EWSR1: variants seen among roughly 807,000 people sequenced by gnomAD.
EWSR1 encodes EWS RNA binding protein 1.
Under a neutral mutation model 92.1 loss-of-function variants are expected in EWSR1, and 14 were observed. That is an observed-to-expected ratio of 0.15 (90% CI 0.10 to 0.24). EWSR1 has a LOEUF of 0.24. Among genes scored for constraint, EWSR1 ranks in the 10% least tolerant of loss-of-function variants. The probability of loss-of-function intolerance (pLI) is 1.00; values close to 1 mark genes in which losing one functional copy is unlikely to be tolerated. For synonymous variants in EWSR1, 303 were observed against 292.9 expected, an observed-to-expected ratio of 1.03 and a Z score of -0.35; for missense variants, 637 against 870.9, an observed-to-expected ratio of 0.73 and a Z score of 3.38.
intron 5 of EWSR1, 57 bp downstream of exon 5, chr22:29,278,273 T>A (rs1382485944): frequency 8.6e-6 from 13 of 1,510,982 alleles, no homozygotes; most frequent in Non-Finnish European, 1.1e-5. Flanking sequence ...AGAAAGCAAC[T>A]GTGTACACTT....
chr22:29,298,075 G>GC, intron 13 of EWSR1, 126 bp downstream of exon 13: 3 of 1,087,444 alleles, frequency 2.8e-6, no homozygotes, highest in Non-Finnish European at 3.9e-6. Flanking sequence ...ACTATCGAGA[G>GC]CTAACAATGA....
Position 29,292,571 on chromosome 22 carries a change from C to T in EWSR1, c.1129C>T (p.Leu377=). The T allele has an allele frequency of 6.2e-7, 1 of 1,613,868 alleles. No individual in the cohort carries two copies. The highest frequency in any genetic ancestry group is 1.7e-4 in the Middle Eastern group (1 of 6,060). The change falls in exon 11 of 17, where the codon CTG becomes TTG. Residue 377 remains leucine, a synonymous_variant. Transcript: ENST00000397938. ...AAATGACAGTGTGACTCTAGATGAT[C>T]TGGCAGACTTCTTTAAGCAGTGTGG... ...GLNDSVTLDD[L]ADFFKQCGVV... is the part of the protein sequence containing the mutation.
intron 7 of EWSR1, 95 bp downstream of exon 7, chr22:29,287,229 A>G: frequency 1.6e-6 from 2 of 1,246,360 alleles, no homozygotes; most frequent in Non-Finnish European, 2.3e-6. Context: ...TTCTTTTGAG[A>G]TGGAGTTTCA....
At position 29,282,380 on chromosome 22, in the gene EWSR1, C is replaced by T; in HGVS notation, c.414-10C>T. On this transcript the variant is annotated splice_polypyrimidine_tract_variant and intron_variant, in intron 5 of 16. Transcript: ENST00000397938. ...CACTTTTTAATTTTATTTATTATTT[C>T]TCCTCTTAGACCGCAGGATGGAAAC... The T allele has an allele frequency of 6.5e-7, 1 of 1,547,442 alleles. No individual in the cohort carries two copies. The highest frequency in any genetic ancestry group is 8.7e-7 in the Non-Finnish European group (1 of 1,153,706).
chr22:29,273,143 T>TG (rs1391794748), intron 3 of EWSR1, among the ~76,000 whole-genome samples: 1 of 152,212 alleles, frequency 6.6e-6, no homozygotes, highest in African/African-American at 2.4e-5. Flanking sequence ...TTAAGTATTA[T>TG]GGATGTCTAA....
intron 11 of EWSR1, 88 bp downstream of exon 11, chr22:29,292,694 C>G (rs945499829): frequency 3.8e-6 from 3 of 787,220 alleles, no homozygotes; most frequent in African/African-American, 1.7e-5. Context: ...GAGTTGTTTT[C>G]TAAGGTTGCC....
intron 8 of EWSR1, chr22:29,289,649 A>G (rs2060299513): frequency 8.6e-6 from 2 of 232,626 alleles, no homozygotes; most frequent in East Asian, 1.2e-4. Flanking sequence ...AAAGTTATGC[A>G]GAATGTTAGA....
intron 12 of EWSR1, among the ~76,000 whole-genome samples, chr22:29,297,155 GTTGT>G (rs1645658528): frequency 6.6e-6 from 1 of 152,138 alleles, no homozygotes. Flanking sequence ...TTTTGCTTGT[GTTGT>G]TTTTTTTGAG....
chr22:29,289,205 CCA>C (rs1380984748), intron 8 of EWSR1: 3 of 235,746 alleles, frequency 1.3e-5, no homozygotes, highest in African/African-American at 4.4e-5. Flanking sequence ...CAGCTGTTTT[CCA>C]CAGTGTTTGT....
chr22:29,271,337 T>A (rs189132846), intron 1 of EWSR1, among the ~76,000 whole-genome samples: 35 of 152,370 alleles, frequency 2.3e-4, no homozygotes, highest in Non-Finnish European at 5.9e-5. Context: ...ATTTTCCGTT[T>A]GTTTTTACTA....
intron 3 of EWSR1, among the ~76,000 whole-genome samples, chr22:29,273,313 C>T (rs181421602): frequency 6.6e-6 from 1 of 152,302 alleles, no homozygotes; most frequent in East Asian, 1.9e-4. Context: ...TCATTGCTTT[C>T]TCTGTTCATT....
In EWSR1 at chr22:29,282,133, A is replaced by G. The variant is rs185002134; in HGVS notation, c.414-257A>G. Reference sequence around the variant, plus strand: ...TAGCGTTTACTGTGATGAATGGAGCATATTAATGTCTCTTCTGTGGATATG... The same window carrying G: ...TAGCGTTTACTGTGATGAATGGAGCGTATTAATGTCTCTTCTGTGGATATG... On this transcript the variant is annotated intron_variant, in intron 5 of 16. Coordinates refer to ENST00000397938, the MANE Select transcript of EWSR1 (RefSeq NM_005243.4). Among the ~76,000 whole-genome samples, 790 of 152,326 alleles carry G rather than the reference A, an allele frequency of 5.2e-3. 3 individuals carry two copies. The highest frequency in any genetic ancestry group is 0.018 in the South Asian group (86 of 4,826).
chr22:29,276,326 A>G lies in EWSR1; in HGVS notation c.227-1704A>G, dbSNP rs2059122118. 3 of 229,012 alleles carry G rather than the reference A, an allele frequency of 1.3e-5. No homozygotes were observed. In the Admixed American group the frequency reaches 1.7e-4, roughly 13 times the overall value. The allele number at this position is 229,012 out of a possible 1,614,324, so 14.2% of individuals were successfully genotyped here. A position where few individuals can be genotyped will look rare whatever the true frequency, so the allele number is the denominator to read the frequency against. ...ACAACATGCCAACTCAAAAACTTTT[A>G]TTGCTTGGGGCTTCCTGTTTTCTGG... On this transcript the variant is annotated intron_variant, in intron 4 of 16. Transcript: ENST00000397938.
chr22:29,297,275 C>T (rs529971757), intron 12 of EWSR1, among the ~76,000 whole-genome samples: 195 of 152,282 alleles, frequency 1.3e-3, no homozygotes, highest in African/African-American at 4.2e-3. Context: ...GTCAGCCACT[C>T]GAGTAGCTGC....
Position 29,272,381 on chromosome 22 carries a change from T to A in EWSR1, c.52T>A (p.Tyr18Asn). ...TTATTGCATTTAATTCTTTTGCAGCTACAGTGCTTACACCGCCCAGCCCAC... is the reference window on the plus strand; with the variant it reads ...TTATTGCATTTAATTCTTTTGCAGCAACAGTGCTTACACCGCCCAGCCCAC... ...TYSQAAAQQG[Y>N]SAYTAQPTQG... Residue 18 changes from tyrosine (Y) to asparagine (N), a missense_variant and splice_region_variant, in exon 3 of 17, where the codon TAC (tyrosine) becomes AAC (asparagine). By Grantham distance (143) the Tyr-to-Asn change is moderately radical (BLOSUM62 -2). Coordinates refer to ENST00000397938, the MANE Select transcript of EWSR1 (RefSeq NM_005243.4). 6.2e-7 allele frequency: 1 copy of A among 1,613,644 alleles called. No homozygotes were observed. Among genetic ancestry groups the A allele is most frequent in the Non-Finnish European group, 8.5e-7 (1 of 1,179,986 alleles).
chr22:29,295,171 C>T (rs75756832), intron 11 of EWSR1, among the ~76,000 whole-genome samples: 2,652 of 152,056 alleles, frequency 0.017, 63 homozygotes, highest in African/African-American at 0.06. Flanking sequence ...GTTCAAGCCT[C>T]AAGCCTCTTG....
In EWSR1 at chr22:29,293,136, G is replaced by A. The variant is rs573056775; in HGVS notation, c.1164+530G>A. Reference sequence around the variant, plus strand: ...GATTCTCCCACCACAGCCTCTTGAGGTAGCTGGACTTATAGGCACATGCCA... The same window carrying A: ...GATTCTCCCACCACAGCCTCTTGAGATAGCTGGACTTATAGGCACATGCCA... On this transcript the variant is annotated intron_variant, in intron 11 of 16. Transcript: ENST00000397938. Among the ~76,000 whole-genome samples the A allele has an allele frequency of 2.0e-5, 3 of 152,174 alleles. No individual in the cohort carries two copies. In the South Asian group the frequency reaches 6.2e-4, roughly 32 times the overall value.
Position 29,297,954 on chromosome 22 carries a change from T to G in EWSR1, c.1417+5T>G, listed in dbSNP as rs372684023. 555 of 1,610,004 alleles carry G rather than the reference T, an allele frequency of 3.4e-4. 2 individuals are homozygous for G. The highest frequency in any genetic ancestry group is 5.8e-4 in the Admixed American group (34 of 58,826). ...TGCCACCACCACTCCGTGGAGGTACTTTTTCTGAGCTCCTATGTTGCATTA... is the reference window on the plus strand; with the variant it reads ...TGCCACCACCACTCCGTGGAGGTACGTTTTCTGAGCTCCTATGTTGCATTA... On this transcript the variant is annotated splice_donor_5th_base_variant and intron_variant, in intron 13 of 16. Transcript: ENST00000397938.
At chr22:29,283,447 C>T (rs1413034498) in intron 6 of EWSR1, among the ~76,000 whole-genome samples, 1 of 151,626 alleles carries the variant, frequency 6.6e-6, no homozygotes, top group African/African-American at 2.4e-5. Context: ...CCTCTGCCTC[C>T]TAGGGATTCT....
Sources: allele counts gnomAD v4.1 joint callset (sites outside exome capture counted in the v4.1 genomes callset), GRCh38; gene constraint gnomAD v4.1.1; transcripts MANE v1.5; gene names NCBI Gene and HGNC (gene_info 2026-07-23, HGNC 2026-07-21).